EML4: variants seen among roughly 807,000 people sequenced by gnomAD.
EML4 encodes the protein echinoderm microtubule-associated protein-like 4.
In EML4, 72 loss-of-function variants were observed where a neutral mutation model predicts 129.0. That is an observed-to-expected ratio of 0.56 (90% confidence interval 0.46 to 0.68). EML4 has a LOEUF of 0.68. Ranked by LOEUF, EML4 falls within the 30% of genes least tolerant of loss-of-function variation. The probability of loss-of-function intolerance (pLI) is 0.00; values close to 1 mark genes in which losing one functional copy is unlikely to be tolerated. For synonymous variants in EML4, 532 were observed against 405.0 expected (o/e 1.31, Z -3.77); for missense variants, 1,363 against 1,190.6 (o/e 1.14, Z -2.13).
intron 17 of EML4, among the ~76,000 whole-genome samples, chr2:42,313,571 T>A (rs1379171757): frequency 6.6e-6 from 1 of 152,190 alleles, no homozygotes; most frequent in African/African-American, 2.4e-5. Flanking sequence ...TCTAAATATT[T>A]CTTTTAATTT....
intron 1 of EML4, among the ~76,000 whole-genome samples, chr2:42,197,868 A>G (rs1179627177): frequency 6.6e-6 from 1 of 152,210 alleles, no homozygotes; most frequent in East Asian, 1.9e-4. Flanking sequence ...CAGGATTTAT[A>G]AAATAGAATT....
At chr2:42,216,392 G>A (rs1228597558) in intron 1 of EML4, among the ~76,000 whole-genome samples, 1 of 151,546 alleles carries the variant, frequency 6.6e-6, no homozygotes, top group African/African-American at 2.4e-5. Context: ...ACAGGTGTGT[G>A]CCACCACACC....
chr2:42,183,340 G>C (rs1223622431), intron 1 of EML4, among the ~76,000 whole-genome samples: 1 of 152,314 alleles, frequency 6.6e-6, no homozygotes, highest in Non-Finnish European at 1.5e-5. Flanking sequence ...ATTATTCACT[G>C]TTAGGAGGTC....
At chr2:42,319,399 T>C (rs905530148) in intron 19 of EML4, 3 of 152,252 alleles carry the variant, frequency 2.0e-5, no homozygotes, top group Non-Finnish European at 4.4e-5. Flanking sequence ...GGCAGTTCTT[T>C]GAAGCGTTTG....
intron 3 of EML4, 135 bp downstream of exon 3, chr2:42,256,765 A>G (rs17029448): frequency 3.6e-6 from 4 of 1,121,994 alleles, no homozygotes; most frequent in African/African-American, 1.6e-5. Context: ...TTAAACTGTG[A>G]AAGTAGAGAC....
intron 1 of EML4, among the ~76,000 whole-genome samples, chr2:42,208,888 A>C (rs1672722302): frequency 6.6e-6 from 1 of 151,904 alleles, no homozygotes; most frequent in African/African-American, 2.4e-5. Context: ...CACAGTCTAG[A>C]ACAAGAAATA....
At position 42,287,007 on chromosome 2, in the gene EML4, G is replaced by A. The variant is rs151103552; in HGVS notation, c.1122+628G>A. Reference sequence around the variant, plus strand: ...TTTTTCTTGAATTGTATGTAATTATGATTATAAAGTATACAGTCAACCTTC... The same window carrying A: ...TTTTTCTTGAATTGTATGTAATTATAATTATAAAGTATACAGTCAACCTTC... On this transcript the variant is annotated intron_variant, in intron 10 of 22. Transcript: ENST00000318522. Among the ~76,000 whole-genome samples, 188 of 152,250 alleles carry A rather than the reference G, an allele frequency of 1.2e-3. 1 individual carries two copies. The highest frequency in any genetic ancestry group is 2.4e-3 in the Non-Finnish European group (161 of 68,016).
chr2:42,171,809 C>T (rs1046113735), intron 1 of EML4, among the ~76,000 whole-genome samples: 2 of 152,168 alleles, frequency 1.3e-5, no homozygotes, highest in African/African-American at 4.8e-5. Flanking sequence ...CTTTCTCTTT[C>T]TGTCCCCCTT....
chr2:42,202,324 T>C (rs1298798024), intron 1 of EML4, among the ~76,000 whole-genome samples: 1 of 152,080 alleles, frequency 6.6e-6, no homozygotes, highest in Non-Finnish European at 1.5e-5. Flanking sequence ...AAGGATTGCT[T>C]GTGGCCAGTA....
intron 14 of EML4, among the ~76,000 whole-genome samples, chr2:42,302,822 C>G (rs1193905715): frequency 1.3e-5 from 2 of 152,184 alleles, no homozygotes; most frequent in Admixed American, 6.5e-5. Flanking sequence ...GTGTGAGCCA[C>G]CATGCCCAGC....
At chr2:42,265,519 C>T (rs1010624197) in intron 6 of EML4, among the ~76,000 whole-genome samples, 1 of 152,146 alleles carries the variant, frequency 6.6e-6, no homozygotes, top group Non-Finnish European at 1.5e-5. Context: ...GGATTATAGG[C>T]ATGAGCCACC....
chr2:42,182,983 T>A lies in EML4; in HGVS notation c.25+13347T>A, dbSNP rs1415854138. 3.9e-5 allele frequency among the ~76,000 whole-genome samples: 6 copies of A among 152,068 alleles called. No homozygotes were observed. The East Asian group carries it at 1.2e-3, about 29-fold the overall frequency. On this transcript the variant is annotated intron_variant, in intron 1 of 22. Transcript: ENST00000318522. ...TGAGGCCCCCCCACAGCCCACTGCCTGTCTCTACCAAAAGTACAAAAAATT... is the reference window on the plus strand; with the variant it reads ...TGAGGCCCCCCCACAGCCCACTGCCAGTCTCTACCAAAAGTACAAAAAATT...
chr2:42,246,977 G>C (rs563325431), intron 2 of EML4, among the ~76,000 whole-genome samples: 1 of 152,330 alleles, frequency 6.6e-6, no homozygotes, highest in African/African-American at 2.4e-5. Flanking sequence ...TTGTAGAATT[G>C]AGAGCAACAA....
intron 1 of EML4, among the ~76,000 whole-genome samples, chr2:42,183,848 A>G (rs961303565): frequency 6.6e-6 from 1 of 152,106 alleles, no homozygotes; most frequent in African/African-American, 2.4e-5. Flanking sequence ...CAGGACCTAC[A>G]TCCAGTCACT....
chr2:42,238,061 A>G (rs763646613), intron 1 of EML4, among the ~76,000 whole-genome samples: 19 of 152,202 alleles, frequency 1.2e-4, no homozygotes, highest in Admixed American at 2.6e-4. Context: ...CATGCACAAA[A>G]TTATTTTTTA....
chr2:42,180,235 G>A (rs894987541), intron 1 of EML4, among the ~76,000 whole-genome samples: 1 of 152,134 alleles, frequency 6.6e-6, no homozygotes, highest in African/African-American at 2.4e-5. Context: ...AATATGTTCC[G>A]TGTATGTATC....
At chr2:42,264,118 T>G (rs201040481) in intron 5 of EML4, among the ~76,000 whole-genome samples, 37,803 of 135,104 alleles carry the variant, frequency 0.28, 5,086 homozygotes, top group African/African-American at 0.43. Context: ...TTTTTTTTTT[T>G]TTTTTTTTTT....
intron 6 of EML4, among the ~76,000 whole-genome samples, chr2:42,271,429 A>G (rs760519142): frequency 9.9e-5 from 15 of 152,260 alleles, no homozygotes; most frequent in South Asian, 2.1e-4. Context: ...TTTAAGCCCT[A>G]TAAAGCAAAG....
intron 1 of EML4, among the ~76,000 whole-genome samples, chr2:42,229,015 A>T (rs977455606): frequency 1.3e-5 from 2 of 152,200 alleles, no homozygotes; most frequent in Admixed American, 6.5e-5. Context: ...TCAGTAAAAT[A>T]TAGTATCTCT....
Sources: allele counts gnomAD v4.1 joint callset (sites outside exome capture counted in the v4.1 genomes callset), GRCh38; gene constraint gnomAD v4.1.1; transcripts MANE v1.5; gene names NCBI Gene and HGNC (gene_info 2026-07-23, HGNC 2026-07-21).